IL1RAPL2: variants seen among roughly 807,000 people sequenced by gnomAD.
IL1RAPL2 encodes the protein interleukin 1 receptor accessory protein like 2.
In IL1RAPL2, 3 loss-of-function variants were observed where a neutral mutation model predicts 44.1. The observed-to-expected ratio is 0.07, with a 90% CI of 0.03 to 0.18. IL1RAPL2 has a LOEUF of 0.18. Among genes scored for constraint, IL1RAPL2 ranks in the 10% least tolerant of loss-of-function variants. The probability of loss-of-function intolerance (pLI) is 1.00; values close to 1 mark genes in which losing one functional copy is unlikely to be tolerated. For missense variants in IL1RAPL2, 391 were observed against 496.4 expected, an observed-to-expected ratio of 0.79 and a Z score of 2.02; for synonymous variants, 181 against 178.8, an observed-to-expected ratio of 1.01 and a Z score of -0.10.
chrX:104,852,890 G>T (rs1922265028), intron 2 of IL1RAPL2, among the ~76,000 whole-genome samples: 1 of 111,736 alleles, frequency 8.9e-6, no homozygotes, highest in South Asian at 3.8e-4. Context: ...ATCAGCTTCT[G>T]AGAAGGATGC....
At chrX:105,699,188 ATTC>A (rs1344256212) in intron 6 of IL1RAPL2, among the ~76,000 whole-genome samples, 2 of 111,299 alleles carry the variant, frequency 1.8e-5, no homozygotes, top group African/African-American at 3.3e-5. Context: ...GTAATCTTGC[ATTC>A]TTCTTAAGAC....
At chrX:104,860,037 T>C (rs1364081020) in intron 2 of IL1RAPL2, among the ~76,000 whole-genome samples, 1 of 112,376 alleles carries the variant, frequency 8.9e-6, no homozygotes, top group African/African-American at 3.2e-5. Flanking sequence ...CATTTAGCTC[T>C]GTAACTTCAG....
intron 2 of IL1RAPL2, among the ~76,000 whole-genome samples, chrX:105,038,007 T>C (rs990374134): frequency 9.0e-6 from 1 of 111,619 alleles, no homozygotes; most frequent in Non-Finnish European, 1.9e-5. Context: ...TGAAAAGATA[T>C]TAGAATAAGA....
At chrX:105,139,259 T>C (rs1188614811) in intron 2 of IL1RAPL2, among the ~76,000 whole-genome samples, 1 of 112,034 alleles carries the variant, frequency 8.9e-6, no homozygotes, top group Non-Finnish European at 1.9e-5. Flanking sequence ...TTGTTGTTGT[T>C]GTCACTGCTT....
intron 9 of IL1RAPL2, 72 bp downstream of exon 9, chrX:105,749,175 T>A (rs937966848): frequency 9.4e-7 from 1 of 1,058,555 alleles, no homozygotes; most frequent in African/African-American, 1.8e-5. Context: ...AACTTCCCTA[T>A]TTTTAGAAAG....
chrX:105,363,277 G>GTATATATATATAATATATATA (rs2035261588), intron 5 of IL1RAPL2, among the ~76,000 whole-genome samples: 1 of 81,082 alleles, frequency 1.2e-5, no homozygotes, highest in Non-Finnish European at 2.3e-5. Context: ...ATATATGTGT[G>GTATATATATATAATATATATA]TATATATATA....
chrX:104,642,448 G>C (rs1463562289), intron 1 of IL1RAPL2, among the ~76,000 whole-genome samples: 1 of 111,240 alleles, frequency 9.0e-6, no homozygotes, highest in Non-Finnish European at 1.9e-5. Context: ...TGTTGAGATG[G>C]ACATAATAGT....
At chrX:105,488,136 T>A in intron 6 of IL1RAPL2, among the ~76,000 whole-genome samples, 1 of 112,287 alleles carries the variant, frequency 8.9e-6, no homozygotes, top group South Asian at 3.7e-4. Flanking sequence ...TGGCTACTCC[T>A]AATATCTAAA....
At chrX:104,568,271 C>T (rs189305045) in intron 1 of IL1RAPL2, among the ~76,000 whole-genome samples, 1 of 110,792 alleles carries the variant, frequency 9.0e-6, no homozygotes, top group Admixed American at 9.6e-5. Flanking sequence ...GGGAACAGAC[C>T]CCAAGGAAGT....
intron 5 of IL1RAPL2, among the ~76,000 whole-genome samples, chrX:105,447,502 T>C (rs1186018372): frequency 2.7e-5 from 2 of 75,308 alleles, no homozygotes; most frequent in African/African-American, 5.6e-5. Context: ...AACTTAAATA[T>C]ATATTTATAT....
intron 1 of IL1RAPL2, among the ~76,000 whole-genome samples, chrX:104,632,274 T>G (rs1280780010): frequency 8.2e-4 from 91 of 111,456 alleles, no homozygotes; most frequent in South Asian, 5.3e-3. Context: ...GTCAGGTAGC[T>G]CGATGCCTCC....
intron 6 of IL1RAPL2, among the ~76,000 whole-genome samples, chrX:105,562,668 C>G (rs2036948067): frequency 1.8e-5 from 2 of 110,955 alleles, no homozygotes; most frequent in African/African-American, 6.6e-5. Context: ...GTACTGCAGT[C>G]ACTCAGAGGG....
chrX:105,357,231 A>G (rs1569428245), intron 5 of IL1RAPL2, among the ~76,000 whole-genome samples: 1 of 111,647 alleles, frequency 9.0e-6, no homozygotes, highest in Non-Finnish European at 1.9e-5. Context: ...TCACAAGATG[A>G]TGGTGAAGAT....
At chrX:104,664,433 C>A (rs1930454784) in intron 2 of IL1RAPL2, among the ~76,000 whole-genome samples, 1 of 111,499 alleles carries the variant, frequency 9.0e-6, no homozygotes, top group South Asian at 3.8e-4. Context: ...TCTAACTCAC[C>A]AAGCCATAGT....
intron 5 of IL1RAPL2, among the ~76,000 whole-genome samples, chrX:105,394,840 G>A (rs2035550640): frequency 1.8e-5 from 2 of 110,980 alleles, no homozygotes; most frequent in South Asian, 3.7e-4. Context: ...GACATGTGAT[G>A]TTTTTTCTCC....
intron 2 of IL1RAPL2, among the ~76,000 whole-genome samples, chrX:104,689,821 A>G (rs1931059307): frequency 8.9e-6 from 1 of 112,054 alleles, no homozygotes. Flanking sequence ...GCTAAAGCTC[A>G]TTAGTAGAAT....
At chrX:105,012,674 C>CACACACACACACACAGAG (rs1258556672) in intron 2 of IL1RAPL2, among the ~76,000 whole-genome samples, 50 of 81,258 alleles carry the variant, frequency 6.2e-4, no homozygotes, top group African/African-American at 2.9e-3. Context: ...CACACACACA[C>CACACACACACACACAGAG]AGAGAGAGAG....
intron 2 of IL1RAPL2, among the ~76,000 whole-genome samples, chrX:105,099,453 C>CT (rs36063657): frequency 0.22 from 8,060 of 35,861 alleles, 2,976 homozygotes; most frequent in East Asian, 0.46. Flanking sequence ...GTGCCACATA[C>CT]TTTTTTTTTT....
chrX:105,192,279 G>A (rs186439846), intron 2 of IL1RAPL2, among the ~76,000 whole-genome samples: 18 of 111,926 alleles, frequency 1.6e-4, no homozygotes, highest in African/African-American at 5.5e-4. Flanking sequence ...ATGGCACTTG[G>A]CAAATTCAGT....
Sources: gnomAD v4.1 joint callset for allele counts (sites outside exome capture counted in the v4.1 genomes callset) on GRCh38, gnomAD v4.1.1 for gene constraint, MANE v1.5 for transcripts, NCBI Gene and HGNC (gene_info 2026-07-23, HGNC 2026-07-21) for gene names.